The following SEMA6D variants were observed in gnomAD, a reference collection of about 807,000 sequenced individuals.
SEMA6D encodes semaphorin 6D.
SEMA6D carries 35 observed loss-of-function variants against 106.6 expected under a neutral mutation model. The observed-to-expected ratio is 0.33, with a 90% CI of 0.25 to 0.44. The LOEUF is 0.44. Ranked by LOEUF, SEMA6D falls within the 20% of genes least tolerant of loss-of-function variation. The pLI is 1.00. For synonymous variants in SEMA6D, 499 were observed against 487.7 expected, an observed-to-expected ratio of 1.02 and a Z score of -0.31; for missense variants, 1,185 against 1,345.9, an observed-to-expected ratio of 0.88 and a Z score of 1.87.
rs142474295 is a variant in SEMA6D at position 47,608,925 on chromosome 15, G to A, written c.-55+8029G>A. On this transcript the variant is annotated intron_variant, in intron 4 of 19. Transcript: ENST00000558014. ...TAAGCATTAATACATTTTACTCCTT[G>A]AATTATTACGGAACACTCTGCTTTT... Among the ~76,000 whole-genome samples the A allele has an allele frequency of 3.6e-3, 554 of 152,218 alleles. 4 individuals carry two copies. Among genetic ancestry groups the A allele is most frequent in the African/African-American group, 0.013 (535 of 41,532 alleles).
At chr15:47,289,412 AAAAAG>A (rs1185165414) in intron 1 of SEMA6D, among the ~76,000 whole-genome samples, 9 of 151,786 alleles carry the variant, frequency 5.9e-5, no homozygotes, top group African/African-American at 1.9e-4. Context: ...AAAAAAAAAA[AAAAAG>A]AAAAGGTGAG....
intron 1 of SEMA6D, among the ~76,000 whole-genome samples, chr15:47,731,611 C>G (rs1222661423): frequency 6.6e-6 from 1 of 152,206 alleles, no homozygotes; most frequent in East Asian, 1.9e-4. Flanking sequence ...CTTGAATTAT[C>G]TGATCCATGG....
chr15:47,714,381 G>A (rs1347891), upstream of SEMA6D, among the ~76,000 whole-genome samples: 28,375 of 152,138 alleles, frequency 0.19, 3,333 homozygotes, highest in Non-Finnish European at 0.25. Context: ...ATTGTTGCAA[G>A]TTAATATTTG....
At chr15:47,231,180 G>T (rs1052113720) in intron 1 of SEMA6D, among the ~76,000 whole-genome samples, 4 of 149,780 alleles carry the variant, frequency 2.7e-5, no homozygotes, top group Non-Finnish European at 4.4e-5. Flanking sequence ...CTTTTATTTG[G>T]CTTGAATGTC....
At chr15:47,698,310 G>A (rs866368290) in intron 4 of SEMA6D, among the ~76,000 whole-genome samples, 3 of 152,050 alleles carry the variant, frequency 2.0e-5, no homozygotes, top group African/African-American at 7.2e-5. Context: ...AGAAAAAAAG[G>A]GCCAGTATCA....
chr15:47,561,063 A>AG (rs1566890992), intron 3 of SEMA6D, among the ~76,000 whole-genome samples: 1 of 151,984 alleles, frequency 6.6e-6, no homozygotes, highest in Admixed American at 6.6e-5. Flanking sequence ...AAACAGAAAA[A>AG]AAAAAAACAA....
intron 1 of SEMA6D, among the ~76,000 whole-genome samples, chr15:47,725,684 T>C (rs2079698914): frequency 6.6e-6 from 1 of 152,190 alleles, no homozygotes; most frequent in Non-Finnish European, 1.5e-5. Flanking sequence ...TTAAGTTTAA[T>C]AGTGGAGGTA....
chr15:47,618,620 CT>C (rs564849223), intron 4 of SEMA6D, among the ~76,000 whole-genome samples: 113 of 152,292 alleles, frequency 7.4e-4, no homozygotes, highest in African/African-American at 2.6e-3. Context: ...TAGAGTTAAT[CT>C]CCAGTCTGTA....
chr15:47,375,184 T>C (rs886094977), intron 1 of SEMA6D, among the ~76,000 whole-genome samples: 1 of 152,142 alleles, frequency 6.6e-6, no homozygotes, highest in South Asian at 2.1e-4. Context: ...GAAAACAAAA[T>C]TTACCTGGCT....
intron 1 of SEMA6D, among the ~76,000 whole-genome samples, chr15:47,244,372 A>G (rs537775265): frequency 6.6e-6 from 1 of 152,172 alleles, no homozygotes; most frequent in Non-Finnish European, 1.5e-5. Flanking sequence ...CAGGGTTACT[A>G]AGGATTAGTC....
chr15:47,729,008 G>A (rs73394833), intron 1 of SEMA6D, among the ~76,000 whole-genome samples: 483 of 152,250 alleles, frequency 3.2e-3, no homozygotes, highest in African/African-American at 0.01. Flanking sequence ...CAGGGATTAC[G>A]GCATGGACAT....
intron 1 of SEMA6D, among the ~76,000 whole-genome samples, chr15:47,357,970 G>A (rs112077782): frequency 2.0e-5 from 3 of 152,268 alleles, no homozygotes; most frequent in Admixed American, 6.5e-5. Flanking sequence ...ACATAACAAT[G>A]TTTATTAATA....
intron 2 of SEMA6D, among the ~76,000 whole-genome samples, chr15:47,447,545 C>T (rs147360591): frequency 6.6e-6 from 1 of 152,280 alleles, no homozygotes; most frequent in African/African-American, 2.4e-5. Context: ...CACACCCCAA[C>T]TCCACAGGGG....
chr15:47,698,908 A>C (rs1177443782), intron 4 of SEMA6D, among the ~76,000 whole-genome samples: 2 of 152,170 alleles, frequency 1.3e-5, no homozygotes, highest in Non-Finnish European at 2.9e-5. Flanking sequence ...CGCTGTCATA[A>C]CCTACCACCA....
At chr15:47,313,841 G>A (rs1381895530) in intron 1 of SEMA6D, among the ~76,000 whole-genome samples, 1 of 152,178 alleles carries the variant, frequency 6.6e-6, no homozygotes, top group Non-Finnish European at 1.5e-5. Flanking sequence ...TGGGATTATA[G>A]GTGCAAGCCA....
At chr15:47,576,549 G>A (rs914322629) in intron 3 of SEMA6D, among the ~76,000 whole-genome samples, 3 of 152,190 alleles carry the variant, frequency 2.0e-5, no homozygotes, top group East Asian at 1.9e-4. Flanking sequence ...CCCATTAGAG[G>A]CAGCTCAACT....
chr15:47,296,689 G>A (rs1285573923), intron 1 of SEMA6D, among the ~76,000 whole-genome samples: 2 of 152,220 alleles, frequency 1.3e-5, no homozygotes, highest in East Asian at 1.9e-4. Context: ...ATCAAGATGT[G>A]AAGCTTGTAA....
intron 1 of SEMA6D, among the ~76,000 whole-genome samples, chr15:47,225,357 G>A (rs564767185): frequency 6.6e-6 from 1 of 151,976 alleles, no homozygotes; most frequent in South Asian, 2.1e-4. Flanking sequence ...TCTAGTAAGA[G>A]TGTTGTGGGA....
At chr15:47,726,831 G>A (rs1379574447) in intron 1 of SEMA6D, among the ~76,000 whole-genome samples, 1 of 152,176 alleles carries the variant, frequency 6.6e-6, no homozygotes, top group East Asian at 1.9e-4. Context: ...CTTGTACTGT[G>A]CTGTCTTTTC....
Sources: allele counts gnomAD v4.1 joint callset (sites outside exome capture counted in the v4.1 genomes callset), GRCh38; gene constraint gnomAD v4.1.1; transcripts MANE v1.5; gene names NCBI Gene and HGNC (gene_info 2026-07-23, HGNC 2026-07-21).